The following UGGT2 variants were observed in gnomAD, a reference collection of about 807,000 sequenced individuals.
UGGT2 encodes the protein UDP-glucose glycoprotein glucosyltransferase 2, also known as UDP-glucose:glycoprotein glucosyltransferase 2.
Under a neutral mutation model 192.1 loss-of-function variants are expected in UGGT2, and 180 were observed. That is an observed-to-expected ratio of 0.94 (90% CI 0.83 to 1.06). The LOEUF is 1.06. Among genes scored for constraint, UGGT2 ranks in the 50% least tolerant of loss-of-function variants. The pLI, the probability that UGGT2 is intolerant of heterozygous loss-of-function variation, is 0.00. For synonymous variants in UGGT2, 580 were observed against 591.0 expected (o/e 0.98, Z 0.27); for missense variants, 1,849 against 1,795.7 (o/e 1.03, Z -0.54).
chr13:96,033,165 C>T (rs2052889703), intron 1 of UGGT2, among the ~76,000 whole-genome samples: 1 of 152,182 alleles, frequency 6.6e-6, no homozygotes, highest in Non-Finnish European at 1.5e-5. Context: ...AAAAACATTC[C>T]ATGCTCATGG....
At chr13:95,955,482 G>C (rs917544406) in intron 12 of UGGT2, among the ~76,000 whole-genome samples, 2 of 152,130 alleles carry the variant, frequency 1.3e-5, no homozygotes, top group Admixed American at 6.5e-5. Flanking sequence ...CTACTCATAA[G>C]GTTCTTTTCT....
At chr13:96,051,389 T>C (rs2053480986) in intron 1 of UGGT2, among the ~76,000 whole-genome samples, 1 of 152,114 alleles carries the variant, frequency 6.6e-6, no homozygotes, top group South Asian at 2.1e-4. Flanking sequence ...AATGATGAGT[T>C]AATGGGTGCA....
chr13:96,032,613 A>G (rs58267899), intron 1 of UGGT2, among the ~76,000 whole-genome samples: 1,601 of 152,346 alleles, frequency 0.011, 33 homozygotes, highest in African/African-American at 0.037. Context: ...TTAGTTCTGC[A>G]CAGAACAAAA....
intron 5 of UGGT2, 57 bp downstream of exon 5, chr13:96,013,250 C>A (rs2052220768): frequency 2.7e-6 from 4 of 1,466,852 alleles, no homozygotes; most frequent in South Asian, 2.7e-5. Context: ...AGACGATTAT[C>A]ATAATAATTG....
At chr13:95,964,534 G>C (rs1025008603) in intron 12 of UGGT2, among the ~76,000 whole-genome samples, 1 of 152,112 alleles carries the variant, frequency 6.6e-6, no homozygotes, top group Admixed American at 6.5e-5. Context: ...TGTTCGATGG[G>C]AGAAAATATT....
At chr13:95,833,082 A>G (rs1048292294) in intron 37 of UGGT2, 29 bp from the exon 38 acceptor site, 1 of 1,605,704 alleles carries the variant, frequency 6.2e-7, no homozygotes, top group Non-Finnish European at 8.5e-7. Context: ...TTTGTTAATG[A>G]AAGACCATGC....
intron 33 of UGGT2, among the ~76,000 whole-genome samples, chr13:95,858,479 A>G (rs1889835094): frequency 1.3e-5 from 2 of 152,094 alleles, no homozygotes; most frequent in Admixed American, 1.3e-4. Context: ...TCTGTACCAC[A>G]AAGTTTGAAT....
At chr13:95,981,656 A>C (rs867490192) in intron 10 of UGGT2, among the ~76,000 whole-genome samples, 17 of 152,164 alleles carry the variant, frequency 1.1e-4, no homozygotes, top group Middle Eastern at 3.2e-3. Flanking sequence ...TTTTCGGTGA[A>C]CATTTTGTTT....
chr13:95,904,295 CTTTT>C (rs1051211541), intron 20 of UGGT2, among the ~76,000 whole-genome samples: 1 of 151,716 alleles, frequency 6.6e-6, no homozygotes, highest in African/African-American at 2.4e-5. Flanking sequence ...TCTATATTAT[CTTTT>C]TTTTATTATT....
At chr13:95,936,703 A>T (rs2049476216) in intron 17 of UGGT2, among the ~76,000 whole-genome samples, 1 of 152,232 alleles carries the variant, frequency 6.6e-6, no homozygotes, top group African/African-American at 2.4e-5. Context: ...ATTCCTGAAG[A>T]TCTGCCTGGG....
intron 27 of UGGT2, among the ~76,000 whole-genome samples, chr13:95,882,683 T>C (rs910146691): frequency 6.6e-6 from 1 of 152,214 alleles, no homozygotes; most frequent in Admixed American, 6.5e-5. Flanking sequence ...TTAGAGCTAG[T>C]GTTCATCCGA....
At chr13:95,876,791 T>A (rs1891719972) in intron 29 of UGGT2, 1 of 152,548 alleles carries the variant, frequency 6.6e-6, no homozygotes, top group South Asian at 2.1e-4. Context: ...GGATAGTTGT[T>A]CAAATTGATG....
At chr13:95,929,776 T>C (rs1268392640) in intron 17 of UGGT2, among the ~76,000 whole-genome samples, 6 of 152,342 alleles carry the variant, frequency 3.9e-5, no homozygotes, top group South Asian at 4.1e-4. Flanking sequence ...GGTAGAACGA[T>C]TTATTTTCCT....
chr13:95,980,430 C>T lies in UGGT2; in HGVS notation c.1092+3374G>A, dbSNP rs554569573. On this transcript the variant is annotated intron_variant, in intron 10 of 38. Coordinates refer to ENST00000376747, the MANE Select transcript of UGGT2 (RefSeq NM_020121.4). ...AGGATGCAAAGACATAAGAATGATA[C>T]ATTGGACTTTGGGGACTCGGGGGAA... is the stretch of plus-strand genomic sequence containing the variant. Among the ~76,000 whole-genome samples the T allele has an allele frequency of 4.0e-5, 6 of 151,878 alleles. No individual in the cohort carries two copies. The South Asian group carries it at 8.4e-4, about 21-fold the overall frequency.
At chr13:95,909,171 G>A (rs1594295573) in intron 20 of UGGT2, among the ~76,000 whole-genome samples, 1 of 152,062 alleles carries the variant, frequency 6.6e-6, no homozygotes, top group African/African-American at 2.4e-5. Flanking sequence ...CATATGGCTA[G>A]CCAGTTTTCC....
chr13:96,048,714 G>A (rs1320188554), intron 1 of UGGT2, among the ~76,000 whole-genome samples: 7 of 152,204 alleles, frequency 4.6e-5, no homozygotes, highest in South Asian at 2.1e-4. Context: ...ACACCTCTAC[G>A]CAAATAAACT....
chr13:95,987,972 GA>G (rs968045406), intron 8 of UGGT2, among the ~76,000 whole-genome samples: 1 of 152,070 alleles, frequency 6.6e-6, no homozygotes, highest in Non-Finnish European at 1.5e-5. Context: ...CAGTAAGCAA[GA>G]AAAGAGTAAG....
intron 21 of UGGT2, 56 bp from the exon 22 acceptor site, chr13:95,900,994 T>A: frequency 4.0e-6 from 5 of 1,240,378 alleles, no homozygotes; most frequent in Non-Finnish European, 3.1e-6. Context: ...ATATATTAAA[T>A]CATTTTGTTT....
chr13:95,904,449 C>T (rs1380212116), intron 20 of UGGT2, among the ~76,000 whole-genome samples: 9 of 125,128 alleles, frequency 7.2e-5, no homozygotes, highest in African/African-American at 2.7e-4. Context: ...CCCCCCTCCC[C>T]CCCACCCCAC....
Sources: allele counts gnomAD v4.1 joint callset (sites outside exome capture counted in the v4.1 genomes callset), GRCh38; gene constraint gnomAD v4.1.1; transcripts MANE v1.5; gene names NCBI Gene and HGNC (gene_info 2026-07-23, HGNC 2026-07-21).